The following CEP104 variants were observed in gnomAD, a reference collection of about 807,000 sequenced individuals.
The protein encoded by CEP104 is centrosomal protein of 104 kDa.
In CEP104, 84 loss-of-function variants were observed where a neutral mutation model predicts 113.3. That is an observed-to-expected ratio of 0.74 (90% CI 0.62 to 0.89). The LOEUF (loss-of-function observed/expected upper bound fraction) is 0.89. Among genes scored for constraint, CEP104 ranks in the 40% least tolerant of loss-of-function variants. The pLI, the probability that CEP104 is intolerant of heterozygous loss-of-function variation, is 0.00. For missense variants in CEP104, 1,053 were observed against 1,156.6 expected (o/e 0.91, Z 1.30); for synonymous variants, 378 against 421.7 (o/e 0.90, Z 1.27).
intron 2 of CEP104, among the ~76,000 whole-genome samples, chr1:3,849,299 G>A (rs530961962): frequency 6.9e-6 from 1 of 144,516 alleles, no homozygotes; most frequent in African/African-American, 2.6e-5. Flanking sequence ...AAAAGGTCTC[G>A]CTCTGTCACC....
In CEP104 at chr1:3,816,264, C is replaced by A. The variant is rs751102945; in HGVS notation, c.2662+16G>T. On this transcript the variant is annotated intron_variant, in intron 21 of 21. Coordinates refer to ENST00000378230, the MANE Select transcript of CEP104 (RefSeq NM_014704.4). The stretch of plus-strand genomic sequence containing the variant: ...AGGGATGCAGACTACACCTGCTCAG[C>A]GGCGCTGTCCCTCACCTGGCTGCAG... The A allele has an allele frequency of 1.3e-6, 2 of 1,546,854 alleles. No homozygotes were observed. The highest frequency in any genetic ancestry group is 2.0e-5 in the Admixed American group (1 of 50,552).
chr1:3,856,536 CTT>C (rs1557701075), intron 1 of CEP104, among the ~76,000 whole-genome samples: 1 of 152,358 alleles, frequency 6.6e-6, no homozygotes, highest in East Asian at 1.9e-4. Flanking sequence ...TTTCCTCAAA[CTT>C]TTGCTCAGCA....
Position 3,816,135 on chromosome 1 carries a change from C to G in CEP104, c.2662+145G>C, listed in dbSNP as rs906727372. 9.2e-6 allele frequency: 6 copies of G among 649,410 alleles called. No homozygotes were observed. In the African/African-American group the frequency reaches 1.1e-4, roughly 12 times the overall value. The allele number at this position is 649,410 out of a possible 1,614,324, so 40.2% of individuals were successfully genotyped here. ...GATTATTAGCCTGCTTACTAAGGAA[C>G]CAGAACATGAAGACAGGCTTGGATG... On this transcript the variant is annotated intron_variant, in intron 21 of 21. Transcript: ENST00000378230.
chr1:3,827,927 C>T (rs533029808), intron 15 of CEP104, among the ~76,000 whole-genome samples: 22 of 152,196 alleles, frequency 1.4e-4, no homozygotes, highest in African/African-American at 4.8e-4. Flanking sequence ...GCGCCTGGCA[C>T]GGAGAGGCGC....
chr1:3,850,063 T>C (rs1340760088), intron 2 of CEP104, among the ~76,000 whole-genome samples: 1 of 152,274 alleles, frequency 6.6e-6, no homozygotes. Context: ...AGCAATAGGC[T>C]ATGCCACAGA....
At chr1:3,817,516 C>CCCCAG (rs1570760868) in intron 20 of CEP104, among the ~76,000 whole-genome samples, 2 of 152,154 alleles carry the variant, frequency 1.3e-5, no homozygotes, top group South Asian at 4.1e-4. Context: ...GCGCTTGCAG[C>CCCCAG]CCCAGCCCAG....
At chr1:3,816,946 C>T (rs565683639) in intron 20 of CEP104, among the ~76,000 whole-genome samples, 11 of 152,378 alleles carry the variant, frequency 7.2e-5, no homozygotes, top group African/African-American at 2.6e-4. Context: ...GAGCTCATCT[C>T]GTCCTCCTGT....
intron 20 of CEP104, among the ~76,000 whole-genome samples, chr1:3,822,122 T>A (rs963121437): frequency 6.6e-6 from 1 of 151,526 alleles, no homozygotes; most frequent in South Asian, 2.1e-4. Context: ...ACGGGCTGAG[T>A]TGCTAGTTGC....
chr1:3,833,761 C>G, intron 12 of CEP104, 101 bp downstream of exon 12: 1 of 1,128,230 alleles, frequency 8.9e-7, no homozygotes, highest in South Asian at 1.5e-5. Context: ...ATAATGTTAA[C>G]TGAGTAGAGA....
chr1:3,838,219 C>T (rs763840280), intron 8 of CEP104, among the ~76,000 whole-genome samples: 5 of 152,156 alleles, frequency 3.3e-5, no homozygotes, highest in East Asian at 1.9e-4. Flanking sequence ...GTGGTGCGAT[C>T]GTAGCTCACT....
chr1:3,818,604 C>A (rs754995640), intron 20 of CEP104, among the ~76,000 whole-genome samples: 3 of 152,210 alleles, frequency 2.0e-5, no homozygotes, highest in South Asian at 2.1e-4. Context: ...CCCACTCTTC[C>A]GCTCAAACCC....
intron 10 of CEP104, among the ~76,000 whole-genome samples, chr1:3,836,180 C>T (rs1644305956): frequency 6.6e-6 from 1 of 151,990 alleles, no homozygotes; most frequent in Admixed American, 6.6e-5. Context: ...GTGGCGGGCA[C>T]CTGTAGTCTC....
chr1:3,848,902 T>C lies in CEP104; in HGVS notation c.114-121A>G, dbSNP rs138952911. On this transcript the variant is annotated intron_variant, in intron 2 of 21. Coordinates refer to ENST00000378230, the MANE Select transcript of CEP104 (RefSeq NM_014704.4). ...CACACCCACTTTGAACAGAACAGTC[T>C]GTAGGTACTGATGGTACAAAGATGC... is the stretch of plus-strand genomic sequence containing the variant. 1,277 of 694,672 alleles carry C rather than the reference T, an allele frequency of 1.8e-3. 10 individuals carry two copies. In the African/African-American group the frequency reaches 0.02, roughly 11 times the overall value. 43.0% of individuals were successfully genotyped at this position (694,672 alleles called of 1,614,324 possible).
intron 20 of CEP104, among the ~76,000 whole-genome samples, chr1:3,820,511 G>A (rs1488712446): frequency 6.6e-6 from 1 of 152,276 alleles, no homozygotes. Context: ...GTCTGGGGTG[G>A]AGGAAGGCAG....
rs902038413 is a variant in CEP104, at chr1:3,814,443, C to T, written c.*959G>A. 1 of 152,226 alleles carries T rather than the reference C, an allele frequency of 6.6e-6. No individual in the cohort carries two copies. The highest frequency in any genetic ancestry group is 1.5e-5 in the Non-Finnish European group (1 of 68,040). The allele number at this position is 152,226 out of a possible 1,614,324, so 9.4% of individuals were successfully genotyped here. On this transcript the variant is annotated 3_prime_UTR_variant, in exon 22 of 22. Coordinates refer to ENST00000378230, the MANE Select transcript of CEP104 (RefSeq NM_014704.4). ...GCAATGTGTTGATGTTTTAAACATC[C>T]TATCAACTCTTTGAAGAAAGTAAAC...
chr1:3,827,783 A>AC (rs767857425), intron 15 of CEP104, among the ~76,000 whole-genome samples: 2 of 152,128 alleles, frequency 1.3e-5, no homozygotes, highest in Non-Finnish European at 2.9e-5. Flanking sequence ...GGCCCCCACA[A>AC]CCCATGGCCC....
intron 1 of CEP104, 114 bp from the exon 2 acceptor site, chr1:3,852,535 A>C (rs936572319): frequency 1.1e-6 from 1 of 925,834 alleles, no homozygotes; most frequent in African/African-American, 1.7e-5. Flanking sequence ...CTAAGTATTC[A>C]GAATTTTCCC....
At chr1:3,835,205 CT>C in intron 10 of CEP104, 113 bp from the exon 11 acceptor site, 1 of 702,210 alleles carries the variant, frequency 1.4e-6, no homozygotes. Flanking sequence ...AAGAACAGAA[CT>C]TTTATAAATG....
At chr1:3,855,006 G>A (rs1644686886) in intron 1 of CEP104, among the ~76,000 whole-genome samples, 3 of 151,032 alleles carry the variant, frequency 2.0e-5, no homozygotes, top group Non-Finnish European at 1.5e-5. Context: ...CAAGTAGCTA[G>A]TATTACAGGT....
Sources: gnomAD v4.1 joint callset for allele counts (sites outside exome capture counted in the v4.1 genomes callset) on GRCh38, gnomAD v4.1.1 for gene constraint, MANE v1.5 for transcripts, NCBI Gene and HGNC (gene_info 2026-07-23, HGNC 2026-07-21) for gene names.